BEND5: variants seen among roughly 807,000 people sequenced by gnomAD.
BEND5 encodes BEN domain containing 5.
Under a neutral mutation model 43.9 loss-of-function variants are expected in BEND5, and 22 were observed. The ratio of observed to expected loss-of-function variants is 0.50; its 90% confidence interval spans 0.36 to 0.72. BEND5 has a LOEUF of 0.72. Ranked by LOEUF, BEND5 falls within the 30% of genes least tolerant of loss-of-function variation. The probability of loss-of-function intolerance (pLI) is 0.00; values close to 1 mark genes in which losing one functional copy is unlikely to be tolerated. For missense variants in BEND5, 428 were observed against 550.6 expected, an observed-to-expected ratio of 0.78 and a Z score of 2.23; for synonymous variants, 228 against 225.9, an observed-to-expected ratio of 1.01 and a Z score of -0.08.
intron 5 of BEND5, among the ~76,000 whole-genome samples, chr1:48,734,412 T>C (rs1233523184): frequency 6.6e-6 from 1 of 152,174 alleles, no homozygotes; most frequent in Non-Finnish European, 1.5e-5. Flanking sequence ...GGCAGCAGCA[T>C]CTCTCACCAA....
At chr1:48,756,174 T>G (rs1408470007) in intron 3 of BEND5, among the ~76,000 whole-genome samples, 1 of 152,222 alleles carries the variant, frequency 6.6e-6, no homozygotes, top group Non-Finnish European at 1.5e-5. Flanking sequence ...GAGACATACA[T>G]GCTCTTTGCC....
At chr1:48,754,411 C>T (rs758911204) in intron 3 of BEND5, among the ~76,000 whole-genome samples, 3 of 152,152 alleles carry the variant, frequency 2.0e-5, no homozygotes, top group Non-Finnish European at 4.4e-5. Context: ...CAGCACCTAA[C>T]CCAGTCCTGG....
At chr1:48,728,378 T>G (rs1031231576) in intron 5 of BEND5, among the ~76,000 whole-genome samples, 1 of 152,156 alleles carries the variant, frequency 6.6e-6, no homozygotes, top group Non-Finnish European at 1.5e-5. Context: ...TTTGCCTTTT[T>G]TTTTTTCTTT....
chr1:48,773,762 G>T (rs968299179), intron 1 of BEND5, among the ~76,000 whole-genome samples: 4 of 152,186 alleles, frequency 2.6e-5, no homozygotes, highest in Non-Finnish European at 5.9e-5. Context: ...TATTAGCTGT[G>T]TGGCTGTAGG....
chr1:48,763,046 T>C (rs975722146), intron 1 of BEND5, among the ~76,000 whole-genome samples: 1 of 152,158 alleles, frequency 6.6e-6, no homozygotes, highest in African/African-American at 2.4e-5. Flanking sequence ...GTATTATCAA[T>C]GTGTTCTGAA....
rs182096461 is a variant in BEND5 at position 48,751,367 on chromosome 1, G to C, written c.745+7533C>G. ...GGCCTAATCAGGAGGCAGGCAAAAG[G>C]GATGGTGCCACAGAAGCACATGGCT... is the stretch of plus-strand genomic sequence containing the variant. On this transcript the variant is annotated intron_variant, in intron 3 of 5. Transcript: ENST00000371833. Among the ~76,000 whole-genome samples the C allele has an allele frequency of 2.6e-5, 4 of 152,272 alleles. No individual in the cohort carries two copies. In the East Asian group the frequency reaches 7.7e-4, roughly 29 times the overall value.
intron 4 of BEND5, among the ~76,000 whole-genome samples, chr1:48,737,284 AAAAAG>A (rs1426778340): frequency 1.3e-5 from 2 of 152,160 alleles, no homozygotes; most frequent in Non-Finnish European, 2.9e-5. Context: ...ACTCCGTCTC[AAAAAG>A]AAAAAAGAAA....
chr1:48,730,206 C>A (rs1024145398), intron 5 of BEND5, among the ~76,000 whole-genome samples: 6 of 152,142 alleles, frequency 3.9e-5, no homozygotes, highest in Non-Finnish European at 4.4e-5. Flanking sequence ...CAGACTGGGA[C>A]ACTCAGGCAT....
intron 1 of BEND5, among the ~76,000 whole-genome samples, chr1:48,765,673 C>G (rs1165448936): frequency 1.3e-5 from 2 of 152,154 alleles, no homozygotes; most frequent in African/African-American, 2.4e-5. Flanking sequence ...CCCAACTGTC[C>G]ATCAACTTAT....
intron 4 of BEND5, among the ~76,000 whole-genome samples, chr1:48,738,182 T>TCC (rs946647570): frequency 3.3e-5 from 5 of 152,170 alleles, no homozygotes; most frequent in African/African-American, 1.2e-4. Flanking sequence ...ACTGAAATTT[T>TCC]CCAACCATCA....
intron 1 of BEND5, among the ~76,000 whole-genome samples, chr1:48,770,480 T>A (rs1644757435): frequency 1.3e-5 from 2 of 152,330 alleles, no homozygotes; most frequent in East Asian, 1.9e-4. Context: ...CTTCTTTAAC[T>A]GTGCCTTTAA....
chr1:48,728,325 C>T (rs1029004467), intron 5 of BEND5, among the ~76,000 whole-genome samples: 1 of 151,972 alleles, frequency 6.6e-6, no homozygotes, highest in Non-Finnish European at 1.5e-5. Flanking sequence ...AGGCCCCTCC[C>T]TAATTCTTTC....
intron 3 of BEND5, among the ~76,000 whole-genome samples, chr1:48,746,751 C>T (rs1034022147): frequency 1.3e-5 from 2 of 152,194 alleles, no homozygotes; most frequent in African/African-American, 4.8e-5. Context: ...AGCTTTCCTA[C>T]CTGCAAAATG....
rs1013204709 is a variant in BEND5 at position 48,736,709 on chromosome 1, T to A, written c.895-257A>T. On this transcript the variant is annotated intron_variant, in intron 4 of 5. Coordinates refer to ENST00000371833, the MANE Select transcript of BEND5 (RefSeq NM_024603.4). This position sits in a 1 kb window ranked among gnomAD's most constrained non-coding sequence, Gnocchi z 4.0. ...TGGATAGAAGGCATTATAACACCAT[T>A]TTCCTTTCAGATGGAAACACCGGTT... 6.6e-6 allele frequency among the ~76,000 whole-genome samples: 1 copy of A among 152,184 alleles called. No homozygotes were observed. Among genetic ancestry groups the A allele is most frequent in the African/African-American group, 2.4e-5 (1 of 41,438 alleles).
At chr1:48,730,313 T>G (rs1257430677) in intron 5 of BEND5, among the ~76,000 whole-genome samples, 1 of 152,192 alleles carries the variant, frequency 6.6e-6, no homozygotes, top group Non-Finnish European at 1.5e-5. Context: ...GAGAACTGCT[T>G]AGAAGTTGAG....
At chr1:48,728,312 T>G (rs1647510634) in intron 5 of BEND5, among the ~76,000 whole-genome samples, 1 of 151,912 alleles carries the variant, frequency 6.6e-6, no homozygotes, top group African/African-American at 2.4e-5. Flanking sequence ...CCCAAGCACC[T>G]GCAGGCCCCT....
intron 3 of BEND5, among the ~76,000 whole-genome samples, chr1:48,745,315 C>T (rs1333461730): frequency 6.6e-6 from 1 of 152,032 alleles, no homozygotes; most frequent in Non-Finnish European, 1.5e-5. Context: ...TCTTGGAGTC[C>T]GAGAAGTAGA....
intron 3 of BEND5, among the ~76,000 whole-genome samples, 159 bp downstream of exon 3, chr1:48,758,741 G>T (rs1339729361): frequency 6.6e-6 from 1 of 152,188 alleles, no homozygotes; most frequent in African/African-American, 2.4e-5. Context: ...CACTATGAGT[G>T]GGGAGTGACT....
intron 3 of BEND5, among the ~76,000 whole-genome samples, chr1:48,753,750 C>T (rs566838836): frequency 7.2e-5 from 11 of 152,312 alleles, no homozygotes; most frequent in Admixed American, 1.3e-4. Context: ...ATAAGACTAT[C>T]GGAATTGTCC....
Sources: allele counts gnomAD v4.1 joint callset (sites outside exome capture counted in the v4.1 genomes callset), GRCh38; gene constraint gnomAD v4.1.1; non-coding constraint Gnocchi (gnomAD v3.1); transcripts MANE v1.5; gene names NCBI Gene and HGNC (gene_info 2026-07-23, HGNC 2026-07-21).